The following IQCM variants were observed in gnomAD, a reference collection of about 807,000 sequenced individuals.
IQCM encodes IQ domain-containing protein M.
IQCM carries 45 observed loss-of-function variants against 57.6 expected under a neutral mutation model. The ratio of observed to expected loss-of-function variants is 0.78; its 90% CI spans 0.62 to 1.00. IQCM has a LOEUF of 1.00. Ranked by LOEUF, IQCM falls within the 50% of genes least tolerant of loss-of-function variation. The pLI, the probability that IQCM is intolerant of heterozygous loss-of-function variation, is 0.00. For missense variants in IQCM, 468 were observed against 511.6 expected (o/e 0.91, Z 0.82); for synonymous variants, 148 against 158.9 (o/e 0.93, Z 0.51).
intron 12 of IQCM, among the ~76,000 whole-genome samples, chr4:149,508,942 G>A (rs180846738): frequency 9.2e-4 from 140 of 152,246 alleles, no homozygotes; most frequent in South Asian, 2.1e-3. Context: ...TCAGGAGATC[G>A]GATGGTTTTA....
intron 13 of IQCM, among the ~76,000 whole-genome samples, chr4:149,358,363 G>T (rs1293279838): frequency 6.6e-6 from 1 of 152,100 alleles, no homozygotes; most frequent in Non-Finnish European, 1.5e-5. Context: ...GATCTTTCCT[G>T]CTTTCTCTTG....
intron 8 of IQCM, among the ~76,000 whole-genome samples, chr4:149,603,392 T>C (rs1256050654): frequency 3.3e-5 from 5 of 152,218 alleles, no homozygotes; most frequent in African/African-American, 1.2e-4. Flanking sequence ...TGTCTTAAAA[T>C]AATCTTTCAT....
chr4:149,433,164 C>T (rs1331249277), intron 13 of IQCM, among the ~76,000 whole-genome samples: 2 of 151,988 alleles, frequency 1.3e-5, no homozygotes, highest in African/African-American at 4.8e-5. Flanking sequence ...ACCCAAATTT[C>T]CATTAACTAG....
At chr4:149,518,881 G>A (rs954008191) in intron 12 of IQCM, among the ~76,000 whole-genome samples, 2 of 152,156 alleles carry the variant, frequency 1.3e-5, no homozygotes, top group African/African-American at 2.4e-5. Flanking sequence ...AGCAACAAGG[G>A]AGGCACTCTT....
chr4:149,598,723 G>T lies in IQCM; in HGVS notation c.682-10726C>A, dbSNP rs564606604. Among the ~76,000 whole-genome samples the T allele has an allele frequency of 1.4e-4, 22 of 152,246 alleles. No individual in the cohort carries two copies. The South Asian group carries it at 3.9e-3, about 27-fold the overall frequency. On this transcript the variant is annotated intron_variant, in intron 8 of 13. Transcript: ENST00000636793. ...TTTCATAAGTGCCAAATTGGCAAAG[G>T]TTAAAACTTTGACAGTATTAATTGT...
At chr4:149,778,283 G>A (rs1771286493) in intron 2 of IQCM, among the ~76,000 whole-genome samples, 1 of 152,152 alleles carries the variant, frequency 6.6e-6, no homozygotes, top group African/African-American at 2.4e-5. Flanking sequence ...GGCTGAGGCA[G>A]GAGAATGGCG....
chr4:149,564,025 A>T, intron 9 of IQCM, 135 bp from the exon 10 acceptor site: 1 of 455,984 alleles, frequency 2.2e-6, no homozygotes, highest in Non-Finnish European at 3.6e-6. Context: ...TCAATGTATG[A>T]TATCACCAGG....
intron 13 of IQCM, among the ~76,000 whole-genome samples, chr4:149,389,610 A>T (rs1731698091): frequency 6.6e-6 from 1 of 151,632 alleles, no homozygotes; most frequent in African/African-American, 2.4e-5. Flanking sequence ...TCGCAAGAAC[A>T]AAAAACCAAA....
At chr4:149,468,757 G>A (rs1282924957) in intron 12 of IQCM, among the ~76,000 whole-genome samples, 1 of 152,142 alleles carries the variant, frequency 6.6e-6, no homozygotes, top group African/African-American at 2.4e-5. Context: ...ATACAGCCAG[G>A]TGCCCCTCTG....
intron 12 of IQCM, among the ~76,000 whole-genome samples, chr4:149,493,822 A>G (rs1295821513): frequency 6.7e-6 from 1 of 149,492 alleles, no homozygotes; most frequent in Non-Finnish European, 1.5e-5. Context: ...CACTGAGGAG[A>G]AAAAAAAAAT....
intron 12 of IQCM, among the ~76,000 whole-genome samples, chr4:149,490,278 T>C (rs1228919899): frequency 1.5e-4 from 23 of 152,014 alleles, no homozygotes; most frequent in Admixed American, 1.4e-3. Context: ...TTGATAAGCA[T>C]TTTGAAACCA....
intron 9 of IQCM, among the ~76,000 whole-genome samples, chr4:149,581,218 G>A (rs536809697): frequency 1.3e-5 from 2 of 151,376 alleles, no homozygotes; most frequent in East Asian, 2.0e-4. Flanking sequence ...GTGACAAGAA[G>A]CTAAGTCAAA....
At chr4:149,379,861 G>C (rs181748506) in intron 13 of IQCM, among the ~76,000 whole-genome samples, 21 of 152,274 alleles carry the variant, frequency 1.4e-4, no homozygotes, top group African/African-American at 4.8e-4. Flanking sequence ...ATCTCATCTT[G>C]AATTGTAGCT....
At chr4:149,448,120 T>C (rs867754074) in intron 12 of IQCM, among the ~76,000 whole-genome samples, 1 of 151,672 alleles carries the variant, frequency 6.6e-6, no homozygotes, top group Admixed American at 6.6e-5. Flanking sequence ...ATTGATTAAA[T>C]TTTGCATTAA....
At chr4:149,626,949 A>G (rs529093429) in intron 7 of IQCM, among the ~76,000 whole-genome samples, 2 of 152,268 alleles carry the variant, frequency 1.3e-5, no homozygotes, top group South Asian at 4.1e-4. Flanking sequence ...AAAAAAAAAG[A>G]ACAAAAAATG....
At chr4:149,775,380 A>G (rs1011340141) in intron 2 of IQCM, among the ~76,000 whole-genome samples, 1 of 152,242 alleles carries the variant, frequency 6.6e-6, no homozygotes, top group African/African-American at 2.4e-5. Flanking sequence ...TACTTAGCAA[A>G]GCATTCATTG....
Position 149,386,009 on chromosome 4 carries a change from T to C in IQCM, c.1391-33943A>G, listed in dbSNP as rs577646476. Among the ~76,000 whole-genome samples the C allele has an allele frequency of 1.8e-4, 28 of 152,230 alleles. No homozygotes were observed. The East Asian group carries it at 5.4e-3, about 29-fold the overall frequency. ...AGGCATAGTGATCTAGTCAGCTCTT[T>C]AATGTGATTTTCCTATTTAAAATCC... On this transcript the variant is annotated intron_variant, in intron 13 of 13. Coordinates refer to ENST00000636793, the MANE Select transcript of IQCM (RefSeq NM_001363507.2).
intron 12 of IQCM, among the ~76,000 whole-genome samples, chr4:149,493,884 CAAAA>C (rs34989034): frequency 6.8e-6 from 1 of 146,526 alleles, no homozygotes. Context: ...CTGGAAATGA[CAAAA>C]AAAAAAAAAA....
chr4:149,499,000 G>A (rs1242708022), intron 12 of IQCM, among the ~76,000 whole-genome samples: 2 of 152,178 alleles, frequency 1.3e-5, no homozygotes, highest in East Asian at 3.9e-4. Context: ...AACAAAAATA[G>A]AGGTTCTCCA....
Sources: allele counts gnomAD v4.1 joint callset (sites outside exome capture counted in the v4.1 genomes callset), GRCh38; gene constraint gnomAD v4.1.1; transcripts MANE v1.5; gene names NCBI Gene and HGNC (gene_info 2026-07-23, HGNC 2026-07-21).